The following CLUH variants were observed in gnomAD, a reference collection of about 807,000 sequenced individuals.
CLUH encodes the protein clustered mitochondria protein homolog.
CLUH carries 77 observed loss-of-function variants against 139.3 expected under a neutral mutation model. The ratio of observed to expected loss-of-function variants is 0.55; its 90% CI spans 0.46 to 0.67. The LOEUF (loss-of-function observed/expected upper bound fraction) is 0.67. CLUH is among the 30% of genes least tolerant of loss of function. The pLI is 0.00. For synonymous variants in CLUH, 999 were observed against 801.6 expected, an observed-to-expected ratio of 1.25 and a Z score of -4.16; for missense variants, 1,876 against 1,875.8, an observed-to-expected ratio of 1.00 and a Z score of 0.00.
At chr17:2,693,769 G>C in intron 19 of CLUH, 131 bp downstream of exon 19, 5 of 1,181,384 alleles carry the variant, frequency 4.2e-6, no homozygotes, top group Non-Finnish European at 5.9e-6. Context: ...GGTGGAGCCA[G>C]GGGTGGCCTG....
chr17:2,703,471 C>G lies in CLUH; in HGVS notation c.322G>C (p.Val108Leu). 6.2e-7 allele frequency: 1 copy of G among 1,613,564 alleles called. No homozygotes were observed. Among genetic ancestry groups the G allele is most frequent in the South Asian group, 1.1e-5 (1 of 91,078 alleles). Residue 108 changes from valine to leucine, a missense_variant, in exon 3 of 26, where the codon GTG becomes CTG. Val to Leu is a conservative substitution (Grantham distance 32). Coordinates refer to ENST00000651024, the MANE Select transcript of CLUH (RefSeq NM_001366661.1). This position sits in a 1 kb window ranked among gnomAD's most constrained non-coding sequence, Gnocchi z 4.2. ...FSLQVSPQEM[V>L]QEIHQVLMDR... is the part of the protein sequence containing the mutation. ...ATGAGCACCTGGTGAATCTCCTGCA[C>G]CATCTCCTGGGGGGACACCTGCAGG... is the stretch of plus-strand genomic sequence containing the variant.
rs562629566 is a variant in CLUH, at chr17:2,695,400, C to A, written c.2518G>T (p.Ala840Ser). 6.2e-7 allele frequency: 1 copy of A among 1,612,680 alleles called. No homozygotes were observed. The highest frequency in any genetic ancestry group is 8.5e-7 in the Non-Finnish European group (1 of 1,179,664). ...KVLELVLRSP[A>S]RHQLDHVFKI... ...AAGACGTGGTCCAGCTGGTGGCGGG[C>A]CGGGCTCCGCAGCACCAGCTCCAGC... The change falls in exon 14 of 26, where the codon GCC (alanine) becomes TCC (serine). Residue 840 changes from alanine (A) to serine (S), a missense_variant. Physicochemically the swap from Ala to Ser is moderately conservative, Grantham distance 99 (BLOSUM62 1). Around this residue, in one of 3 missense-constraint regions of CLUH, gnomAD observed 1,454 missense variants for 1,384.4 expected, o/e 1.05. Transcript: ENST00000651024.
rs746308623 is a variant in CLUH at position 2,694,278 on chromosome 17, TG to T, written c.2938-3del. On this transcript the variant is annotated splice_region_variant and splice_polypyrimidine_tract_variant and intron_variant, in intron 17 of 25. Transcript: ENST00000651024. ...GAAGCTGTACTCCTTCAGCAGGACC[TG>T]GGGGGCAGCCCCCCCACCACAGGAA... 3 of 1,578,886 alleles carry T rather than the reference TG, an allele frequency of 1.9e-6. No individual in the cohort carries two copies. Among genetic ancestry groups the T allele is most frequent in the Middle Eastern group, 1.7e-4 (1 of 5,888 alleles).
chr17:2,695,779 C>T (rs530255957), intron 13 of CLUH: 75 of 596,308 alleles, frequency 1.3e-4, no homozygotes, highest in Middle Eastern at 9.0e-4. Context: ...ACTACTTGAC[C>T]CCCAGCCCCG....
In CLUH at chr17:2,689,480, T is replaced by C. The variant is rs2069537093; in HGVS notation, c.*1114A>G. ...AGTTCTTGCTCAGCGGTGGGGATGC[T>C]CTGCTTGCCCGCTCACGCCCATCCC... On this transcript the variant is annotated 3_prime_UTR_variant, in exon 26 of 26. Coordinates refer to ENST00000651024, the MANE Select transcript of CLUH (RefSeq NM_001366661.1). 6.5e-6 allele frequency: 1 copy of C among 152,696 alleles called. No homozygotes were observed. Among genetic ancestry groups the C allele is most frequent in the Non-Finnish European group, 1.5e-5 (1 of 68,076 alleles). 9.5% of individuals were successfully genotyped at this position (152,696 alleles called of 1,614,324 possible).
intron 1 of CLUH, among the ~76,000 whole-genome samples, chr17:2,710,458 C>G (rs773811633): frequency 3.3e-5 from 5 of 152,210 alleles, no homozygotes; most frequent in South Asian, 2.1e-4. Flanking sequence ...CTGGCGCACT[C>G]ACTGAAGCTA....
chr17:2,702,587 C>T (rs1046818527), intron 3 of CLUH, among the ~76,000 whole-genome samples: 2 of 150,630 alleles, frequency 1.3e-5, no homozygotes, highest in Non-Finnish European at 2.9e-5. Flanking sequence ...AGACCTTTTC[C>T]GTCACTGCTC....
chr17:2,693,946 A>G lies in CLUH; in HGVS notation c.3185T>C (p.Leu1062Pro). Residue 1062 changes from leucine to proline, a missense_variant, in exon 19 of 26, where the codon CTG becomes CCG. Physicochemically the swap from Leu to Pro is moderately conservative, Grantham distance 98. This residue lies in a region of CLUH where 1,454 missense variants were observed against 1,384.4 expected (regional missense o/e 1.05). Coordinates refer to ENST00000651024, the MANE Select transcript of CLUH (RefSeq NM_001366661.1). ...GTAGTGGAGGCGGGCGAGGAGGCGC[A>G]GGCAGGCGCAGGTCTCCACGTGCAT... ...GAMHVETCAC[L>P]RLLARLHYIM... 6.2e-7 allele frequency: 1 copy of G among 1,613,616 alleles called. No individual in the cohort carries two copies.
intron 19 of CLUH, 51 bp from the exon 20 acceptor site, chr17:2,692,911 C>G (rs534533016): frequency 6.6e-7 from 1 of 1,505,914 alleles, no homozygotes; most frequent in African/African-American, 1.4e-5. Context: ...CCACTGCACC[C>G]AGAGCCCGCC....
chr17:2,692,094 G>A lies in CLUH; in HGVS notation c.3564C>T (p.His1188=), dbSNP rs2151692213. ...TCTCGTAGACTCGGGCGACAAGGTG[G>A]TGGCTGCCGGGAGGCGCGGCGCGGG... ...GPKALKVALS[H]HLVARVYESK... The change falls in exon 23 of 26, where the codon CAC becomes CAT. Residue 1188 remains histidine (H), a synonymous_variant. Coordinates refer to ENST00000651024, the MANE Select transcript of CLUH (RefSeq NM_001366661.1). The A allele has an allele frequency of 1.2e-6, 2 of 1,601,272 alleles. No individual in the cohort carries two copies. The highest frequency in any genetic ancestry group is 1.3e-5 in the African/African-American group (1 of 74,830).
In CLUH at chr17:2,691,639, A is replaced by T; in HGVS notation, c.3833T>A (p.Val1278Asp). 6.2e-7 allele frequency: 1 copy of T among 1,612,550 alleles called. No individual in the cohort carries two copies. Residue 1278 changes from valine (V) to aspartate (D), a missense_variant, in exon 25 of 26, where the codon GTC becomes GAC. Transcript: ENST00000651024. ...AGGAATGAAGAGGATGCCGTTAATG[A>T]CGTTCAGCTGCTCCAAGACGCTGGC... ...SMASVLEQLNVINGILFIPLS... is the reference protein window; with the variant it reads ...SMASVLEQLNDINGILFIPLS...
chr17:2,699,685 G>A (rs565794327), intron 9 of CLUH, among the ~76,000 whole-genome samples: 40 of 150,296 alleles, frequency 2.7e-4, no homozygotes, highest in Non-Finnish European at 5.5e-4. Flanking sequence ...AGGCTGGAGT[G>A]CAGTGATGCA....
intron 1 of CLUH, among the ~76,000 whole-genome samples, chr17:2,705,793 C>G (rs1487218200): frequency 6.6e-6 from 1 of 152,202 alleles, no homozygotes; most frequent in Non-Finnish European, 1.5e-5. Context: ...TTGAAGACAG[C>G]ACCCAATCCA....
intron 7 of CLUH, 155 bp from the exon 8 acceptor site, chr17:2,700,980 C>T (rs2070156620): frequency 1.4e-6 from 2 of 1,439,808 alleles, no homozygotes; most frequent in Admixed American, 4.3e-5. Context: ...TCTCCTGCGG[C>T]TGCTGTCTCG....
intron 14 of CLUH, 29 bp downstream of exon 14, chr17:2,695,345 C>G (rs1003399): frequency 0.59 from 957,820 of 1,613,068 alleles, 290,661 homozygotes; most frequent in Admixed American, 0.63. Context: ...CCACAGCTCC[C>G]GTTCCGCCCC....
chr17:2,693,007 G>A, intron 19 of CLUH, 147 bp from the exon 20 acceptor site: 1 of 649,286 alleles, frequency 1.5e-6, no homozygotes, highest in South Asian at 3.0e-5. Flanking sequence ...AGGGGGGAGG[G>A]GGATCAGCAG....
intron 25 of CLUH, chr17:2,691,406 A>C: frequency 1.8e-6 from 1 of 569,678 alleles, no homozygotes; most frequent in Non-Finnish European, 3.2e-6. Context: ...TACTACAAAC[A>C]CAAAAATGAG....
At chr17:2,697,307 G>C (rs1044075980) in intron 10 of CLUH, among the ~76,000 whole-genome samples, 3 of 152,006 alleles carry the variant, frequency 2.0e-5, no homozygotes, top group Non-Finnish European at 4.4e-5. Flanking sequence ...GCTCAGACAG[G>C]AGAATCACTT....
Position 2,704,284 on chromosome 17 carries a change from C to A in CLUH, c.303+78G>T. 6.8e-7 allele frequency: 1 copy of A among 1,462,710 alleles called. No homozygotes were observed. The highest frequency in any genetic ancestry group is 9.3e-7 in the Non-Finnish European group (1 of 1,078,104). The allele number at this position is 1,462,710 out of a possible 1,614,324, so 90.6% of individuals were successfully genotyped here. A position where few individuals can be genotyped will look rare whatever the true frequency, so the allele number is the denominator to read the frequency against. ...CCACAAAATGGGGCCGGTAGGAGCA[C>A]GAGCAAGGCTGAGCTTTCCAGCTCA... On this transcript the variant is annotated intron_variant, in intron 2 of 25. Transcript: ENST00000651024. The surrounding 1 kb of genome is among the most constrained non-coding windows in gnomAD (Gnocchi z 5.7).
Sources: gnomAD v4.1 joint callset for allele counts (sites outside exome capture counted in the v4.1 genomes callset) on GRCh38, gnomAD v4.1.1 for gene constraint, gnomAD v4.1.1 regional missense constraint, Gnocchi (gnomAD v3.1) non-coding constraint, MANE v1.5 for transcripts, NCBI Gene and HGNC (gene_info 2026-07-23, HGNC 2026-07-21) for gene names.